Variants in SLC25A21 observed in about 807,000 individuals in gnomAD.
SLC25A21 encodes the protein solute carrier family 25 member 21, also known as mitochondrial 2-oxodicarboxylate carrier.
SLC25A21 carries 47 observed loss-of-function variants against 43.8 expected under a neutral mutation model. The observed-to-expected ratio is 1.07, with a 90% CI of 0.85 to 1.37. The LOEUF is 1.37. Among genes scored for constraint, SLC25A21 ranks in the 40% most tolerant of loss-of-function variants. SLC25A21 has a pLI of 0.00. For synonymous variants in SLC25A21, 131 were observed against 121.3 expected (o/e 1.08, Z -0.52); for missense variants, 352 against 350.2 (o/e 1.00, Z -0.04).
intron 6 of SLC25A21, among the ~76,000 whole-genome samples, chr14:36,716,624 G>A (rs931236354): frequency 1.3e-5 from 2 of 152,174 alleles, no homozygotes; most frequent in Non-Finnish European, 2.9e-5. Context: ...CTGGGGCACT[G>A]AGTCCTTACT....
intron 1 of SLC25A21, among the ~76,000 whole-genome samples, chr14:37,063,787 A>T (rs1197423689): frequency 2.0e-5 from 3 of 152,144 alleles, no homozygotes; most frequent in Non-Finnish European, 4.4e-5. Flanking sequence ...CTAACCCAAA[A>T]GATGTTGGCC....
chr14:37,084,988 AG>A (rs904859434), intron 1 of SLC25A21, among the ~76,000 whole-genome samples: 1 of 152,146 alleles, frequency 6.6e-6, no homozygotes, highest in African/African-American at 2.4e-5. Context: ...AATACACATG[AG>A]GTTCAATAAA....
chr14:36,851,959 A>G (rs1212168076), intron 2 of SLC25A21, among the ~76,000 whole-genome samples: 4 of 152,172 alleles, frequency 2.6e-5, no homozygotes, highest in African/African-American at 9.7e-5. Flanking sequence ...GGGACTCTGG[A>G]AGGGTATCAA....
intron 1 of SLC25A21, among the ~76,000 whole-genome samples, chr14:37,164,677 TAG>T (rs1215496797): frequency 6.6e-6 from 1 of 152,192 alleles, no homozygotes; most frequent in African/African-American, 2.4e-5. Context: ...TTTTAACTAT[TAG>T]AGTAAGAAAA....
chr14:36,968,238 C>G (rs1959663734), intron 1 of SLC25A21, among the ~76,000 whole-genome samples: 1 of 152,162 alleles, frequency 6.6e-6, no homozygotes, highest in Non-Finnish European at 1.5e-5. Context: ...GTTATTGGTC[C>G]ACATGCAACC....
chr14:36,901,752 A>G (rs1254072504), intron 1 of SLC25A21, among the ~76,000 whole-genome samples: 1 of 152,186 alleles, frequency 6.6e-6, no homozygotes, highest in Admixed American at 6.5e-5. Context: ...TTAAGTAAAA[A>G]TTACTCCCAA....
At chr14:36,748,703 T>G (rs138442265) in intron 3 of SLC25A21, among the ~76,000 whole-genome samples, 121 of 152,334 alleles carry the variant, frequency 7.9e-4, no homozygotes, top group Admixed American at 2.9e-3. Context: ...TCTGTTTCCC[T>G]GGTGATTTCA....
At chr14:37,021,548 C>T (rs1287942375) in intron 1 of SLC25A21, among the ~76,000 whole-genome samples, 1 of 151,946 alleles carries the variant, frequency 6.6e-6, no homozygotes, top group Non-Finnish European at 1.5e-5. Flanking sequence ...TGTAATGTCT[C>T]TCTTGGGAGC....
intron 1 of SLC25A21, among the ~76,000 whole-genome samples, chr14:37,056,488 C>T (rs921066649): frequency 2.4e-5 from 2 of 84,028 alleles, no homozygotes; most frequent in Non-Finnish European, 4.9e-5. Context: ...GACTCCATCT[C>T]AAAAAAAAAA....
intron 4 of SLC25A21, among the ~76,000 whole-genome samples, chr14:36,733,722 T>C (rs1037573581): frequency 1.3e-5 from 2 of 152,198 alleles, no homozygotes; most frequent in Non-Finnish European, 2.9e-5. Flanking sequence ...GTTATCATTA[T>C]TATGGAAGGA....
chr14:36,800,689 G>C (rs955672608), intron 3 of SLC25A21, among the ~76,000 whole-genome samples: 2 of 151,986 alleles, frequency 1.3e-5, no homozygotes, highest in African/African-American at 4.8e-5. Context: ...ACTTTACTTA[G>C]GGCCACTGAA....
intron 1 of SLC25A21, among the ~76,000 whole-genome samples, chr14:37,144,297 A>C (rs1329568627): frequency 6.6e-6 from 1 of 152,250 alleles, no homozygotes; most frequent in Non-Finnish European, 1.5e-5. Context: ...TCAATTAATA[A>C]TGATTGATCA....
chr14:36,882,438 C>T (rs143843099), intron 1 of SLC25A21, among the ~76,000 whole-genome samples: 1,564 of 152,246 alleles, frequency 0.01, 11 homozygotes, highest in Middle Eastern at 0.017. Context: ...CACTGCTCCC[C>T]GATTCCCCAG....
At chr14:36,822,061 T>C (rs1037559016) in intron 2 of SLC25A21, among the ~76,000 whole-genome samples, 1 of 152,112 alleles carries the variant, frequency 6.6e-6, no homozygotes, top group South Asian at 2.1e-4. Flanking sequence ...TCCTGCCCTA[T>C]AGAAGAGAAC....
At chr14:37,051,790 G>C (rs1195088056) in intron 1 of SLC25A21, among the ~76,000 whole-genome samples, 1 of 152,180 alleles carries the variant, frequency 6.6e-6, no homozygotes, top group Non-Finnish European at 1.5e-5. Flanking sequence ...TGTGTGACCA[G>C]GTAGGGAGAG....
chr14:36,721,811 G>A (rs773832064), intron 6 of SLC25A21, among the ~76,000 whole-genome samples: 2 of 152,206 alleles, frequency 1.3e-5, no homozygotes, highest in Admixed American at 6.5e-5. Flanking sequence ...GCCATTAGAA[G>A]CATTTCCTTT....
intron 5 of SLC25A21, among the ~76,000 whole-genome samples, chr14:36,728,419 T>C (rs754146314): frequency 1.3e-5 from 2 of 152,154 alleles, no homozygotes; most frequent in African/African-American, 4.8e-5. Context: ...AATCCTCTTT[T>C]TTGCCAAGCT....
In SLC25A21 at chr14:36,886,971, T is replaced by C. The variant is rs546786933; in HGVS notation, c.71-11967A>G. ...TGTGGGCTTTTACCACAATCAACAA[T>C]GCAACGAGAAACACCAGGGGGAAAA... is the stretch of plus-strand genomic sequence containing the variant. On this transcript the variant is annotated intron_variant, in intron 1 of 9. Coordinates refer to ENST00000331299, the MANE Select transcript of SLC25A21 (RefSeq NM_030631.4). Among the ~76,000 whole-genome samples, 7 of 152,134 alleles carry C rather than the reference T, an allele frequency of 4.6e-5. No individual in the cohort carries two copies. In the South Asian group the frequency reaches 1.5e-3, roughly 32 times the overall value.
chr14:37,040,047 A>G (rs1483025677), intron 1 of SLC25A21, among the ~76,000 whole-genome samples: 1 of 151,174 alleles, frequency 6.6e-6, no homozygotes, highest in Non-Finnish European at 1.5e-5. Flanking sequence ...ATATAAAAAA[A>G]AAATTAGCTG....
Sources: allele counts gnomAD v4.1 joint callset (sites outside exome capture counted in the v4.1 genomes callset), GRCh38; gene constraint gnomAD v4.1.1; transcripts MANE v1.5; gene names NCBI Gene and HGNC (gene_info 2026-07-23, HGNC 2026-07-21).